The following NLRP4 variants were observed in gnomAD, a reference collection of about 807,000 sequenced individuals.
The protein encoded by NLRP4 is NLR family pyrin domain containing 4.
Under a neutral mutation model 84.7 loss-of-function variants are expected in NLRP4, and 44 were observed. That is an observed-to-expected ratio of 0.52 (90% CI 0.41 to 0.67). The LOEUF (loss-of-function observed/expected upper bound fraction) is 0.67, where lower values mean the gene tolerates loss of function less well. Among genes scored for constraint, NLRP4 ranks in the 30% least tolerant of loss-of-function variants. NLRP4 has a pLI of 0.00. For synonymous variants in NLRP4, 544 were observed against 476.4 expected (o/e 1.14, Z -1.85); for missense variants, 1,260 against 1,219.4 (o/e 1.03, Z -0.50).
chr19:55,851,637 TGCGGTGTAATGTCCGA>T (rs1984151032), intron 1 of NLRP4, among the ~76,000 whole-genome samples: 30 of 134,962 alleles, frequency 2.2e-4, no homozygotes, highest in East Asian at 8.8e-4. Context: ...TGTCCGAGGC[TGCGGTGTAATGTCCGA>T]GGCTGCGGTG....
chr19:55,852,476 G>GT (rs11301833), intron 2 of NLRP4, 116 bp downstream of exon 2: 51,708 of 438,678 alleles, frequency 0.12, 244 homozygotes, highest in East Asian at 0.15. Flanking sequence ...AAAATATTAG[G>GT]TTTTTTTTTT....
intron 1 of NLRP4, among the ~76,000 whole-genome samples, chr19:55,847,097 A>G (rs770188578): frequency 7.2e-5 from 11 of 151,858 alleles, no homozygotes; most frequent in Non-Finnish European, 1.3e-4. Flanking sequence ...TAATTTTTGG[A>G]TCTTAGATGC....
At chr19:55,844,372 G>A (rs1439183977) in intron 1 of NLRP4, among the ~76,000 whole-genome samples, 1 of 151,984 alleles carries the variant, frequency 6.6e-6, no homozygotes, top group Non-Finnish European at 1.5e-5. Flanking sequence ...TAACCTCCCG[G>A]GTTCAAGCAA....
chr19:55,865,124 C>A (rs1020814115), intron 5 of NLRP4, among the ~76,000 whole-genome samples: 28 of 145,656 alleles, frequency 1.9e-4, no homozygotes, highest in Admixed American at 6.9e-5. Flanking sequence ...GATTTTTCTT[C>A]CCCACCTTCT....
chr19:55,867,955 C>A, intron 6 of NLRP4, 79 bp downstream of exon 6: 2 of 1,265,712 alleles, frequency 1.6e-6, no homozygotes, highest in South Asian at 2.7e-5. Flanking sequence ...ACAGTCTGCT[C>A]ATTGATGGAG....
chr19:55,849,406 C>T (rs184984649), intron 1 of NLRP4, among the ~76,000 whole-genome samples: 1 of 152,290 alleles, frequency 6.6e-6, no homozygotes, highest in East Asian at 1.9e-4. Flanking sequence ...TAGTTCACTG[C>T]AAAATGCTGC....
chr19:55,848,842 A>G (rs767383439), intron 1 of NLRP4, among the ~76,000 whole-genome samples: 2 of 151,028 alleles, frequency 1.3e-5, no homozygotes, highest in Middle Eastern at 3.4e-3. Flanking sequence ...AGATACTTGA[A>G]TCATGGGGAT....
At chr19:55,844,302 G>A (rs1983713653) in intron 1 of NLRP4, among the ~76,000 whole-genome samples, 1 of 151,240 alleles carries the variant, frequency 6.6e-6, no homozygotes, top group African/African-American at 2.4e-5. Flanking sequence ...TTTATTTTTC[G>A]AGATGGAGTC....
chr19:55,863,976 C>T (rs1984860339), intron 5 of NLRP4, among the ~76,000 whole-genome samples: 1 of 152,160 alleles, frequency 6.6e-6, no homozygotes, highest in African/African-American at 2.4e-5. Context: ...ATCAACCGAA[C>T]ACAAAAAGAC....
At chr19:55,853,923 T>TTCTCTTTCTCTC (rs1332229046) in intron 2 of NLRP4, among the ~76,000 whole-genome samples, 3 of 149,846 alleles carry the variant, frequency 2.0e-5, no homozygotes, top group Non-Finnish European at 4.4e-5. Context: ...TTCTTTCTCT[T>TTCTCTTTCTCTC]TCTCTTTCTC....
intron 1 of NLRP4, among the ~76,000 whole-genome samples, chr19:55,844,891 ATGTG>A (rs950588330): frequency 6.6e-6 from 1 of 151,690 alleles, no homozygotes; most frequent in African/African-American, 2.4e-5. Flanking sequence ...GTGTGTATGC[ATGTG>A]TGTGTGTGTT....
chr19:55,843,760 G>T (rs188725553), intron 1 of NLRP4, among the ~76,000 whole-genome samples: 7 of 151,712 alleles, frequency 4.6e-5, no homozygotes, highest in Admixed American at 4.6e-4. Context: ...AAGTAATTGC[G>T]GTTTTTGCAT....
chr19:55,871,077 G>C (rs1380636765), intron 7 of NLRP4, 80 bp downstream of exon 7: 4 of 1,254,738 alleles, frequency 3.2e-6, no homozygotes, highest in Non-Finnish European at 4.6e-6. Context: ...ATCTGGAATT[G>C]AGGAAGGCTG....
chr19:55,855,785 C>T (rs1286442387), intron 2 of NLRP4, among the ~76,000 whole-genome samples: 1 of 152,208 alleles, frequency 6.6e-6, no homozygotes, highest in East Asian at 1.9e-4. Flanking sequence ...GAGTTTTCGG[C>T]CTGGCTGAAG....
rs143927011 is a variant in NLRP4 at position 55,840,850 on chromosome 19, A to T, written c.-66+3916A>T. On this transcript the variant is annotated intron_variant, in intron 1 of 9. Coordinates refer to ENST00000301295, the MANE Select transcript of NLRP4 (RefSeq NM_134444.5). ...CTGCTTTTCTGGTATCAATATTATG[A>T]CAACAGATTTTTTTAAAAGCCTGGA... Among the ~76,000 whole-genome samples the T allele has an allele frequency of 5.4e-3, 830 of 152,318 alleles. 2 individuals carry two copies. The highest frequency in any genetic ancestry group is 8.8e-3 in the Non-Finnish European group (602 of 68,032).
Position 55,857,918 on chromosome 19 carries a change from C to G in NLRP4, c.525C>G (p.Asn175Lys). Reference sequence around the variant, plus strand: ...AGCTGATGATGGCCTGGTCGGACAACAAGATCTTTCGGGATAGGTTCCTGT... The same window carrying G: ...AGCTGATGATGGCCTGGTCGGACAAGAAGATCTTTCGGGATAGGTTCCTGT... ...LMKLMMAWSD[N>K]KIFRDRFLYT... The change falls in exon 3 of 10, where the codon AAC becomes AAG. Residue 175 changes from asparagine to lysine, a missense_variant. Physicochemically the swap from Asn to Lys is moderately conservative, Grantham distance 94. Transcript: ENST00000301295. 1.2e-6 allele frequency: 2 copies of G among 1,614,182 alleles called. No homozygotes were observed. The highest frequency in any genetic ancestry group is 1.7e-6 in the Non-Finnish European group (2 of 1,180,034).
intron 2 of NLRP4, among the ~76,000 whole-genome samples, chr19:55,855,661 A>G (rs1984382894): frequency 6.6e-6 from 1 of 152,262 alleles, no homozygotes; most frequent in Non-Finnish European, 1.5e-5. Flanking sequence ...TATGCGGGGC[A>G]TAGGGAAAAT....
At chr19:55,844,295 A>C (rs1272840278) in intron 1 of NLRP4, among the ~76,000 whole-genome samples, 2 of 150,170 alleles carry the variant, frequency 1.3e-5, no homozygotes, top group African/African-American at 4.9e-5. Context: ...TTTTCTTTTT[A>C]TTTTTCGAGA....
chr19:55,873,870 T>C (rs1443398145), intron 7 of NLRP4, among the ~76,000 whole-genome samples: 3 of 152,102 alleles, frequency 2.0e-5, no homozygotes, highest in South Asian at 2.1e-4. Flanking sequence ...AATTAGAACA[T>C]ATGTTGAAAT....
Sources: gnomAD v4.1 joint callset for allele counts (sites outside exome capture counted in the v4.1 genomes callset) on GRCh38, gnomAD v4.1.1 for gene constraint, MANE v1.5 for transcripts, NCBI Gene and HGNC (gene_info 2026-07-23, HGNC 2026-07-21) for gene names.